The following AFF3 variants were observed in gnomAD, a reference collection of about 807,000 sequenced individuals.
AFF3 encodes the protein ALF transcription elongation factor 3.
A neutral mutation model predicts 129.7 loss-of-function variants in AFF3; 32 were observed. The ratio of observed to expected loss-of-function variants is 0.25; its 90% CI spans 0.19 to 0.33. AFF3 has a LOEUF of 0.33. Ranked by LOEUF, AFF3 falls within the 10% of genes least tolerant of loss-of-function variation. The probability of loss-of-function intolerance (pLI) is 1.00; values close to 1 mark genes in which losing one functional copy is unlikely to be tolerated. For synonymous variants in AFF3, 644 were observed against 635.4 expected (o/e 1.01, Z -0.20); for missense variants, 1,373 against 1,592.0 (o/e 0.86, Z 2.34).
chr2:99,954,827 A>C (rs935675276), intron 7 of AFF3, among the ~76,000 whole-genome samples: 9 of 151,610 alleles, frequency 5.9e-5, no homozygotes, highest in African/African-American at 2.2e-4. Flanking sequence ...ATGACGAGTT[A>C]ATGGGTGCAG....
At chr2:100,105,127 G>A in intron 3 of AFF3, 1 of 181,746 alleles carries the variant, frequency 5.5e-6, no homozygotes, top group East Asian at 1.9e-4. Flanking sequence ...GCCGTGCCCG[G>A]CCCTGTCGCA....
At chr2:99,605,381 CA>C (rs756514504) in intron 13 of AFF3, among the ~76,000 whole-genome samples, 10 of 152,158 alleles carry the variant, frequency 6.6e-5, no homozygotes, top group Non-Finnish European at 1.0e-4. Flanking sequence ...TATCCAGAAA[CA>C]ATCATAGCAA....
chr2:99,557,782 A>G (rs1309169336), intron 22 of AFF3, among the ~76,000 whole-genome samples: 2 of 152,174 alleles, frequency 1.3e-5, no homozygotes, highest in African/African-American at 4.8e-5. Flanking sequence ...TGTGCTGAAC[A>G]TACCCCAGGA....
At chr2:99,557,358 C>T (rs994011688) in intron 22 of AFF3, among the ~76,000 whole-genome samples, 3 of 150,844 alleles carry the variant, frequency 2.0e-5, no homozygotes, top group Admixed American at 6.6e-5. Context: ...CTGCTCACTG[C>T]AACCTCTGCC....
At chr2:99,785,504 C>G (rs567274629) in intron 8 of AFF3, among the ~76,000 whole-genome samples, 42 of 152,298 alleles carry the variant, frequency 2.8e-4, no homozygotes, top group Non-Finnish European at 5.1e-4. Context: ...CTCCTTATTC[C>G]TCTTCTCTTT....
intron 9 of AFF3, among the ~76,000 whole-genome samples, chr2:99,744,878 T>C (rs963220966): frequency 2.6e-5 from 4 of 152,210 alleles, no homozygotes; most frequent in Non-Finnish European, 4.4e-5. Context: ...AGTCCATGTT[T>C]TCAATCCTTT....
rs1452035318 is a variant in AFF3 at position 99,818,393 on chromosome 2, A to G, written c.921+19084T>C. 3.3e-5 allele frequency among the ~76,000 whole-genome samples: 5 copies of G among 152,316 alleles called. 1 individual carries two copies. The South Asian group carries it at 8.3e-4, about 25-fold the overall frequency. On this transcript the variant is annotated intron_variant, in intron 8 of 24. Coordinates refer to ENST00000672756, the MANE Select transcript of AFF3 (RefSeq NM_001386135.1). ...CATTCTAATCAAATTAAAACTGTACATCAATGAAAAATACAACGTTGAAAC... is the reference window on the plus strand; with the variant it reads ...CATTCTAATCAAATTAAAACTGTACGTCAATGAAAAATACAACGTTGAAAC...
chr2:99,636,826 G>A (rs913508669), intron 13 of AFF3, among the ~76,000 whole-genome samples: 2 of 152,188 alleles, frequency 1.3e-5, no homozygotes, highest in Non-Finnish European at 2.9e-5. Context: ...CCAAAGCCAC[G>A]GGGGAGCTTA....
At chr2:99,674,204 T>A (rs1425072652) in intron 11 of AFF3, among the ~76,000 whole-genome samples, 1 of 152,212 alleles carries the variant, frequency 6.6e-6, no homozygotes, top group Non-Finnish European at 1.5e-5. Flanking sequence ...CAGCAGAGGC[T>A]GTAAAGCGGC....
chr2:99,624,477 T>G (rs559141938), intron 13 of AFF3, among the ~76,000 whole-genome samples: 38 of 152,200 alleles, frequency 2.5e-4, no homozygotes, highest in African/African-American at 9.2e-4. Context: ...AATGAATAAT[T>G]AATAGGATGT....
At chr2:99,714,035 C>T (rs1449703645) in intron 11 of AFF3, among the ~76,000 whole-genome samples, 1 of 152,172 alleles carries the variant, frequency 6.6e-6, no homozygotes, top group African/African-American at 2.4e-5. Context: ...CTTTTACGAC[C>T]TCTGGGAACC....
At chr2:99,606,940 G>C (rs963710916) in intron 13 of AFF3, among the ~76,000 whole-genome samples, 2 of 110,156 alleles carry the variant, frequency 1.8e-5, no homozygotes, top group Non-Finnish European at 4.0e-5. Flanking sequence ...AAAAAAAAAA[G>C]AGTACTTCAG....
At chr2:99,760,182 G>C (rs1682460740) in intron 8 of AFF3, among the ~76,000 whole-genome samples, 1 of 152,184 alleles carries the variant, frequency 6.6e-6, no homozygotes, top group South Asian at 2.1e-4. Flanking sequence ...TAGTTGTTGG[G>C]AGTCTGAGAT....
At chr2:99,713,312 A>T (rs2309726) in intron 11 of AFF3, among the ~76,000 whole-genome samples, 10,368 of 142,522 alleles carry the variant, frequency 0.073, 426 homozygotes, top group East Asian at 0.11. Flanking sequence ...CTCTGTCGCT[A>T]GGCTGCAGTG....
chr2:99,785,277 T>C (rs1558848125), intron 8 of AFF3, among the ~76,000 whole-genome samples: 1 of 152,170 alleles, frequency 6.6e-6, no homozygotes, highest in Admixed American at 6.5e-5. Context: ...AGTCATGCAG[T>C]CCACGACAAA....
At chr2:99,965,761 C>T (rs980481971) in intron 7 of AFF3, among the ~76,000 whole-genome samples, 1 of 152,208 alleles carries the variant, frequency 6.6e-6, no homozygotes, top group African/African-American at 2.4e-5. Context: ...AAATTCACCA[C>T]TGAAATGGCA....
intron 7 of AFF3, among the ~76,000 whole-genome samples, chr2:99,896,582 AGATGTTTCAT>A (rs1272232650): frequency 7.2e-6 from 1 of 139,786 alleles, no homozygotes; most frequent in East Asian, 2.1e-4. Context: ...TTTCTAGTCA[AGATGTTTCAT>A]TTGATCATTT....
intron 15 of AFF3, among the ~76,000 whole-genome samples, chr2:99,587,855 A>C (rs1000747489): frequency 2.6e-5 from 4 of 151,804 alleles, no homozygotes; most frequent in African/African-American, 9.7e-5. Context: ...ACTAAAATAC[A>C]AAAAATTAGC....
At chr2:99,650,796 A>ATGTGTGTGTGTG (rs142082185) in intron 12 of AFF3, among the ~76,000 whole-genome samples, 2,475 of 144,788 alleles carry the variant, frequency 0.017, 33 homozygotes, top group Non-Finnish European at 0.026. Flanking sequence ...ACTAAAATTA[A>ATGTGTGTGTGTG]TGTGTGTGTG....
Sources: allele counts gnomAD v4.1 joint callset (sites outside exome capture counted in the v4.1 genomes callset), GRCh38; gene constraint gnomAD v4.1.1; transcripts MANE v1.5; gene names NCBI Gene and HGNC (gene_info 2026-07-23, HGNC 2026-07-21).